KLF12: variants seen among roughly 807,000 people sequenced by gnomAD.
The protein encoded by KLF12 is Krueppel-like factor 12.
KLF12 carries 9 observed loss-of-function variants against 37.8 expected under a neutral mutation model. The ratio of observed to expected loss-of-function variants is 0.24; its 90% confidence interval spans 0.14 to 0.42. The LOEUF is 0.42. KLF12 is among the 10% of genes least tolerant of loss of function. The probability of loss-of-function intolerance (pLI) is 1.00; values close to 1 mark genes in which losing one functional copy is unlikely to be tolerated. For missense variants in KLF12, 411 were observed against 516.0 expected, an observed-to-expected ratio of 0.80 and a Z score of 1.97; for synonymous variants, 208 against 202.1, an observed-to-expected ratio of 1.03 and a Z score of -0.25.
the KLF12 span, among the ~76,000 whole-genome samples, chr13:74,158,119 G>C: frequency 6.6e-6 from 1 of 152,214 alleles, no homozygotes; most frequent in Non-Finnish European, 1.5e-5. Flanking sequence ...GCTTGACTGA[G>C]AGAAGAGAGA....
At chr13:73,972,842 ATCATCCCCTGCC>A (rs1891387757) in intron 2 of KLF12, among the ~76,000 whole-genome samples, 1 of 151,222 alleles carries the variant, frequency 6.6e-6, no homozygotes, top group Non-Finnish European at 1.5e-5. Context: ...CCAAAAAAGG[ATCATCCCCTGCC>A]ATGAGAAAAA....
intron 3 of KLF12, among the ~76,000 whole-genome samples, chr13:73,937,982 T>C (rs927570736): frequency 2.2e-4 from 34 of 152,278 alleles, no homozygotes; most frequent in African/African-American, 7.7e-4. Context: ...AGCCAGGTAG[T>C]GACATGCAAA....
intron 2 of KLF12, among the ~76,000 whole-genome samples, chr13:73,945,059 A>G (rs1361454712): frequency 6.6e-6 from 1 of 152,180 alleles, no homozygotes; most frequent in South Asian, 2.1e-4. Flanking sequence ...TATTAAGAGA[A>G]AAAAAAATCA....
chr13:74,192,244 T>C, the KLF12 span, among the ~76,000 whole-genome samples: 2 of 152,186 alleles, frequency 1.3e-5, no homozygotes, highest in African/African-American at 2.4e-5. Flanking sequence ...TGTTAGTTTA[T>C]GTTAAAAAAT....
At chr13:73,774,770 A>G (rs757453799) in intron 5 of KLF12, among the ~76,000 whole-genome samples, 16 of 152,166 alleles carry the variant, frequency 1.1e-4, no homozygotes, top group Non-Finnish European at 1.9e-4. Context: ...ATACAGATCT[A>G]TTAGAAATTA....
chr13:74,240,527 C>A, the KLF12 span, among the ~76,000 whole-genome samples: 12 of 37,764 alleles, frequency 3.2e-4, no homozygotes, highest in South Asian at 5.8e-3. Flanking sequence ...TGGATAATAT[C>A]CTGCAGAGTG....
At chr13:73,872,101 T>G (rs955108364) in intron 3 of KLF12, among the ~76,000 whole-genome samples, 1 of 152,168 alleles carries the variant, frequency 6.6e-6, no homozygotes, top group African/African-American at 2.4e-5. Flanking sequence ...GGCCACGTGC[T>G]TGGGTCCTGT....
rs1054441133 is a variant in KLF12, at chr13:73,693,914, G to T, written c.*1576C>A. The T allele has an allele frequency of 1.3e-5, 2 of 152,732 alleles. No homozygotes were observed. Among genetic ancestry groups the T allele is most frequent in the South Asian group, 4.1e-4 (2 of 4,826 alleles). The allele number at this position is 152,732 out of a possible 1,614,324, so 9.5% of individuals were successfully genotyped here. Reference sequence around the variant, plus strand: ...TTTTTCTGAAAGAATGCTCGTTGGTGATGTATTGCTTGTTTACTGTATATG... The same window carrying T: ...TTTTTCTGAAAGAATGCTCGTTGGTTATGTATTGCTTGTTTACTGTATATG... On this transcript the variant is annotated 3_prime_UTR_variant, in exon 8 of 8. Coordinates refer to ENST00000377669, the MANE Select transcript of KLF12 (RefSeq NM_007249.5).
intron 4 of KLF12, among the ~76,000 whole-genome samples, chr13:73,842,290 T>A (rs1040966198): frequency 6.6e-6 from 1 of 152,172 alleles, no homozygotes; most frequent in African/African-American, 2.4e-5. Flanking sequence ...TATTTGCGAT[T>A]ATAATTAAAC....
At chr13:73,727,210 C>T (rs1010407465) in intron 6 of KLF12, among the ~76,000 whole-genome samples, 28 of 151,982 alleles carry the variant, frequency 1.8e-4, no homozygotes, top group African/African-American at 6.3e-4. Flanking sequence ...TTTTGAAGTT[C>T]GATTTAGTTC....
At chr13:74,125,351 A>G (rs982176054) in intron 1 of KLF12, among the ~76,000 whole-genome samples, 5 of 152,094 alleles carry the variant, frequency 3.3e-5, no homozygotes, top group African/African-American at 1.2e-4. Context: ...CACTTGGTCC[A>G]TTTATCACAA....
At chr13:73,925,143 T>C (rs539350923) in intron 3 of KLF12, among the ~76,000 whole-genome samples, 19 of 152,326 alleles carry the variant, frequency 1.2e-4, no homozygotes, top group African/African-American at 1.7e-4. Context: ...GTTAAGATCA[T>C]TGATGAAGTT....
At chr13:74,166,760 C>A in the KLF12 span, among the ~76,000 whole-genome samples, 4 of 152,216 alleles carry the variant, frequency 2.6e-5, no homozygotes, top group Non-Finnish European at 5.9e-5. Flanking sequence ...CAGCGCCACA[C>A]ATTTGATGCT....
the KLF12 span, among the ~76,000 whole-genome samples, chr13:74,139,846 G>A: frequency 6.6e-6 from 1 of 151,832 alleles, no homozygotes; most frequent in African/African-American, 2.4e-5. Flanking sequence ...AGGCATATGA[G>A]ATCTGAACTA....
At chr13:73,748,543 G>C (rs1878523968) in intron 6 of KLF12, among the ~76,000 whole-genome samples, 1 of 152,124 alleles carries the variant, frequency 6.6e-6, no homozygotes, top group South Asian at 2.1e-4. Flanking sequence ...AGGACATAGA[G>C]AAAAGGTGCA....
the KLF12 span, among the ~76,000 whole-genome samples, chr13:74,221,230 T>C: frequency 6.6e-6 from 1 of 152,154 alleles, no homozygotes; most frequent in Non-Finnish European, 1.5e-5. Context: ...ATGGTCTCGA[T>C]CTCCTGACCT....
chr13:74,029,314 G>A (rs1178586708), intron 1 of KLF12, among the ~76,000 whole-genome samples: 1 of 151,932 alleles, frequency 6.6e-6, no homozygotes, highest in Non-Finnish European at 1.5e-5. Context: ...TTTATCTGTT[G>A]TTGAAATGCA....
chr13:74,032,144 C>A (rs1893131704), intron 1 of KLF12, among the ~76,000 whole-genome samples: 2 of 152,238 alleles, frequency 1.3e-5, no homozygotes, highest in South Asian at 2.1e-4. Context: ...TATAAAAATA[C>A]AGTTTGGAAA....
chr13:74,252,370 T>C, the KLF12 span, among the ~76,000 whole-genome samples: 1 of 152,208 alleles, frequency 6.6e-6, no homozygotes, highest in African/African-American at 2.4e-5. Flanking sequence ...ACCCCAGGCT[T>C]TGTTACAGGT....
Sources: allele counts gnomAD v4.1 joint callset (sites outside exome capture counted in the v4.1 genomes callset), GRCh38; gene constraint gnomAD v4.1.1; transcripts MANE v1.5; gene names NCBI Gene and HGNC (gene_info 2026-07-23, HGNC 2026-07-21).